Variants in PDXDC1 observed in about 807,000 individuals in gnomAD.
PDXDC1 encodes pyridoxal-dependent decarboxylase domain-containing protein 1.
A neutral mutation model predicts 100.1 loss-of-function variants in PDXDC1; 42 were observed. The observed-to-expected ratio is 0.42, with a 90% confidence interval of 0.33 to 0.54. PDXDC1 has a LOEUF of 0.54. Ranked by LOEUF, PDXDC1 falls within the 20% of genes least tolerant of loss-of-function variation. The pLI is 0.10. For missense variants in PDXDC1, 636 were observed against 979.2 expected (o/e 0.65, Z 4.68); for synonymous variants, 260 against 371.7 (o/e 0.70, Z 3.46).
intron 15 of PDXDC1, 142 bp downstream of exon 15, chr16:15,029,108 G>A: frequency 1.0e-6 from 1 of 971,508 alleles, no homozygotes; most frequent in Non-Finnish European, 1.6e-6. Flanking sequence ...CTGCTCTGGA[G>A]TTCTGTTCCC....
At chr16:15,041,471 AG>A (rs2043813742), downstream of PDXDC1, 1 of 720,950 alleles carries the variant, frequency 1.4e-6, no homozygotes. Flanking sequence ...GGCAAGGGGA[AG>A]GGGAAGGCCA....
At chr16:15,007,157 CTTTTTTTTTTTTTTTTTT>C (rs56256230) in intron 6 of PDXDC1, among the ~76,000 whole-genome samples, 9 of 73,918 alleles carry the variant, frequency 1.2e-4, no homozygotes, top group Non-Finnish European at 2.1e-4. Context: ...AAGAGCATGA[CTTTTTTTTTTTTTTTTTT>C]TTTTTTTTTT....
chr16:15,088,168 G>T (rs1331591280), intron 16 of PDXDC1, among the ~76,000 whole-genome samples: 1 of 151,894 alleles, frequency 6.6e-6, no homozygotes, highest in African/African-American at 2.4e-5. Flanking sequence ...CTTTAGTACT[G>T]AACTATTATT....
chr16:15,068,392 G>T, intron 16 of PDXDC1: 1 of 1,356,118 alleles, frequency 7.4e-7, no homozygotes, highest in Non-Finnish European at 9.9e-7. Flanking sequence ...AAAATTATTT[G>T]CAGAAATGCT....
At chr16:15,008,362 T>C (rs1303818294) in intron 6 of PDXDC1, among the ~76,000 whole-genome samples, 2 of 152,270 alleles carry the variant, frequency 1.3e-5, no homozygotes, top group Non-Finnish European at 2.9e-5. Context: ...TTTTTAGGGG[T>C]GGGTGAACCC....
chr16:15,044,527 C>T lies in PDXDC1; in HGVS notation c.1399+14471C>T, dbSNP rs556710853. The T allele has an allele frequency of 6.8e-5, 48 of 707,542 alleles. No individual in the cohort carries two copies. The East Asian group carries it at 1.3e-3, about 19-fold the overall frequency. 43.8% of individuals were successfully genotyped at this position (707,542 alleles called of 1,614,324 possible). On this transcript the variant is annotated intron_variant, in intron 16 of 16. Transcript: ENST00000535621. ...CTTGCTCTACAGCAGAGCTGCAGGTCATCTTCGTGCCACCGCAAAAGAAAG... is the reference window on the plus strand; with the variant it reads ...CTTGCTCTACAGCAGAGCTGCAGGTTATCTTCGTGCCACCGCAAAAGAAAG...
At position 15,061,964 on chromosome 16, in the gene PDXDC1, C is replaced by A. The variant is rs931062576; in HGVS notation, c.1399+31908C>A. 7 of 1,490,318 alleles carry A rather than the reference C, an allele frequency of 4.7e-6. No homozygotes were observed. The Admixed American group carries it at 1.1e-4, about 23-fold the overall frequency. 92.3% of individuals were successfully genotyped at this position (1,490,318 alleles called of 1,614,324 possible). ...CCAGTGCTGACTGAAAAGCTTTCAACAATTCCTTCCTCAGGAAGGTGTTAA... is the reference window on the plus strand; with the variant it reads ...CCAGTGCTGACTGAAAAGCTTTCAAAAATTCCTTCCTCAGGAAGGTGTTAA... On this transcript the variant is annotated intron_variant, in intron 16 of 16. Coordinates refer to the PDXDC1 transcript ENST00000535621.
At chr16:15,022,117 T>G (rs1227411843) in intron 12 of PDXDC1, among the ~76,000 whole-genome samples, 1 of 152,300 alleles carries the variant, frequency 6.6e-6, no homozygotes, top group Non-Finnish European at 1.5e-5. Context: ...GACCTGGGAT[T>G]GAGACATTAG....
chr16:14,987,992 CTTTTTTT>C (rs58211541), intron 1 of PDXDC1, among the ~76,000 whole-genome samples: 2 of 134,580 alleles, frequency 1.5e-5, no homozygotes, highest in East Asian at 2.3e-4. Flanking sequence ...TTATACAATT[CTTTTTTT>C]TTTTTTTTTT....
chr16:15,148,130 A>G, the PDXDC1 span, among the ~76,000 whole-genome samples: 1 of 151,058 alleles, frequency 6.6e-6, no homozygotes, highest in Non-Finnish European at 1.5e-5. Context: ...CTGGGACTAC[A>G]GGCGCCACCA....
chr16:15,142,790 G>A (rs978975547), downstream of PDXDC1, among the ~76,000 whole-genome samples: 5 of 148,506 alleles, frequency 3.4e-5, no homozygotes, highest in Non-Finnish European at 6.0e-5. Flanking sequence ...TGACATCATC[G>A]CCGCTGTCTG....
intron 16 of PDXDC1, among the ~76,000 whole-genome samples, chr16:15,111,507 C>A (rs1297411137): frequency 1.4e-5 from 2 of 147,474 alleles, no homozygotes; most frequent in Non-Finnish European, 3.0e-5. Flanking sequence ...CGCCTGTAAT[C>A]CTAGCACTTT....
chr16:15,125,391 G>A, intron 16 of PDXDC1: 1 of 750,326 alleles, frequency 1.3e-6, no homozygotes, highest in Non-Finnish European at 2.3e-6. Flanking sequence ...CCCCCGTCCA[G>A]TCACGCACGG....
chr16:15,129,396 G>A (rs568965621), intron 16 of PDXDC1, among the ~76,000 whole-genome samples: 9 of 152,124 alleles, frequency 5.9e-5, no homozygotes, highest in African/African-American at 1.7e-4. Flanking sequence ...CCAAGATCAC[G>A]CCACTGCACT....
intron 1 of PDXDC1, among the ~76,000 whole-genome samples, chr16:14,982,753 G>A (rs1362744219): frequency 6.6e-6 from 1 of 152,260 alleles, no homozygotes; most frequent in African/African-American, 2.4e-5. Context: ...TTCTTGCTGT[G>A]GCTTCTCAGT....
At chr16:15,088,037 A>C (rs1490153596) in intron 16 of PDXDC1, among the ~76,000 whole-genome samples, 1 of 152,048 alleles carries the variant, frequency 6.6e-6, no homozygotes. Context: ...TTGCTTAAAA[A>C]ACTCGGAGGC....
intron 16 of PDXDC1, among the ~76,000 whole-genome samples, chr16:15,072,348 G>A (rs1198475607): frequency 6.6e-6 from 1 of 152,032 alleles, no homozygotes; most frequent in Non-Finnish European, 1.5e-5. Flanking sequence ...TCAACCCTTG[G>A]AAAGAATAAA....
At chr16:15,149,323 C>T in the PDXDC1 span, among the ~76,000 whole-genome samples, 5 of 152,202 alleles carry the variant, frequency 3.3e-5, no homozygotes, top group African/African-American at 1.2e-4. Context: ...GTTTGTTGAA[C>T]GCGGGCTCCA....
intron 16 of PDXDC1, among the ~76,000 whole-genome samples, chr16:15,109,955 A>C (rs2046972692): frequency 6.9e-6 from 1 of 144,698 alleles, no homozygotes; most frequent in Admixed American, 6.9e-5. Flanking sequence ...GAAGTTCGAG[A>C]CCAGCCTGGA....
Sources: gnomAD v4.1 joint callset for allele counts (sites outside exome capture counted in the v4.1 genomes callset) on GRCh38, gnomAD v4.1.1 for gene constraint, MANE v1.5 for transcripts, NCBI Gene and HGNC (gene_info 2026-07-23, HGNC 2026-07-21) for gene names.